The following NBEA variants were observed in gnomAD, a reference collection of about 807,000 sequenced individuals.
The protein encoded by NBEA is lysosomal-trafficking regulator 2.
A neutral mutation model predicts 343.4 loss-of-function variants in NBEA; 44 were observed. That is an observed-to-expected ratio of 0.13 (90% CI 0.10 to 0.16). NBEA has a LOEUF of 0.16. Among genes scored for constraint, NBEA ranks in the 10% least tolerant of loss-of-function variants. The pLI, the probability that NBEA is intolerant of heterozygous loss-of-function variation, is 1.00. For synonymous variants in NBEA, 1,175 were observed against 1,238.7 expected (o/e 0.95, Z 1.08); for missense variants, 2,555 against 3,631.3 (o/e 0.70, Z 7.62).
chr13:35,024,416 A>G (rs1004467177), intron 1 of NBEA, among the ~76,000 whole-genome samples: 1 of 152,108 alleles, frequency 6.6e-6, no homozygotes, highest in African/African-American at 2.4e-5. Context: ...TCATGCCTGT[A>G]ATCTCAGCAC....
chr13:35,000,494 A>G lies in NBEA; in HGVS notation c.295-40439A>G, dbSNP rs559162698. Among the ~76,000 whole-genome samples, 30 of 152,020 alleles carry G rather than the reference A, an allele frequency of 2.0e-4. No individual in the cohort carries two copies. The South Asian group carries it at 3.9e-3, about 20-fold the overall frequency. On this transcript the variant is annotated intron_variant, in intron 1 of 58. Transcript: ENST00000379939. ...CACCTACAATTTACTAAGCATTTATATGTGCCAGATACTTTGTTAACATTT... is the reference window on the plus strand; with the variant it reads ...CACCTACAATTTACTAAGCATTTATGTGTGCCAGATACTTTGTTAACATTT...
intron 6 of NBEA, 68 bp from the exon 7 acceptor site, chr13:35,055,941 GT>G: frequency 7.8e-7 from 1 of 1,278,442 alleles, no homozygotes. Context: ...TTTTATGAAT[GT>G]TACAATTGCA....
intron 41 of NBEA, among the ~76,000 whole-genome samples, chr13:35,517,780 GT>G (rs2077542906): frequency 6.6e-6 from 1 of 152,006 alleles, no homozygotes; most frequent in Non-Finnish European, 1.5e-5. Flanking sequence ...TATTTCTATA[GT>G]TGTCTACTCA....
intron 41 of NBEA, among the ~76,000 whole-genome samples, chr13:35,513,140 C>CTTTTTTT (rs761107026): frequency 1.5e-5 from 2 of 136,416 alleles, no homozygotes; most frequent in Non-Finnish European, 1.6e-5. Flanking sequence ...TTACTTTTTT[C>CTTTTTTT]TTTTTTTTTT....
intron 10 of NBEA, among the ~76,000 whole-genome samples, chr13:35,092,419 A>G (rs2065133131): frequency 1.3e-5 from 2 of 152,006 alleles, no homozygotes; most frequent in Non-Finnish European, 2.9e-5. Flanking sequence ...TAAAGATGCA[A>G]TGAAAAGACA....
intron 34 of NBEA, among the ~76,000 whole-genome samples, chr13:35,250,494 C>G (rs577357563): frequency 2.0e-5 from 3 of 152,108 alleles, no homozygotes; most frequent in Non-Finnish European, 4.4e-5. Flanking sequence ...AATTTCACTC[C>G]CATCCAATAA....
intron 39 of NBEA, among the ~76,000 whole-genome samples, chr13:35,435,957 G>A (rs2045411453): frequency 6.6e-6 from 1 of 151,406 alleles, no homozygotes; most frequent in African/African-American, 2.4e-5. Flanking sequence ...TTGACCCAAG[G>A]AAATGACTTA....
chr13:35,436,702 C>A (rs555435693), intron 39 of NBEA, among the ~76,000 whole-genome samples: 3 of 135,000 alleles, frequency 2.2e-5, no homozygotes, highest in African/African-American at 8.4e-5. Context: ...AGGGAGACTC[C>A]GTCTCAAAAA....
Position 35,665,071 on chromosome 13 carries a change from C to G in NBEA, c.8363-14C>G. The G allele has an allele frequency of 6.4e-7, 1 of 1,553,080 alleles. No homozygotes were observed. On this transcript the variant is annotated splice_polypyrimidine_tract_variant and intron_variant, in intron 55 of 58. Coordinates refer to ENST00000379939, the MANE Select transcript of NBEA (RefSeq NM_001385012.1). ...ATTGGTCTGTAGTGCCTCACTGCTGCTGTTTTCTTGCAGGTGACTATCCGG... is the reference window on the plus strand; with the variant it reads ...ATTGGTCTGTAGTGCCTCACTGCTGGTGTTTTCTTGCAGGTGACTATCCGG...
At chr13:35,155,936 C>G in intron 19 of NBEA, 81 bp downstream of exon 19, 1 of 1,503,566 alleles carries the variant, frequency 6.7e-7, no homozygotes, top group Non-Finnish European at 9.2e-7. Context: ...TTCCTAACCC[C>G]TTAAATCATT....
intron 48 of NBEA, among the ~76,000 whole-genome samples, chr13:35,607,483 C>T (rs889098095): frequency 6.6e-6 from 1 of 152,186 alleles, no homozygotes. Flanking sequence ...GACAATAAAC[C>T]ACTTTACAAA....
chr13:35,655,476 T>C (rs2084772643), intron 54 of NBEA, 103 bp from the exon 55 acceptor site: 3 of 1,234,982 alleles, frequency 2.4e-6, no homozygotes, highest in African/African-American at 3.1e-5. Context: ...TAAAATAAAA[T>C]TAAAAATATG....
intron 34 of NBEA, chr13:35,250,973 G>C (rs1019781526): frequency 6.5e-6 from 1 of 152,794 alleles, no homozygotes; most frequent in African/African-American, 2.4e-5. Flanking sequence ...AATGGTATCA[G>C]TGCTGTAACT....
intron 28 of NBEA, among the ~76,000 whole-genome samples, chr13:35,178,933 T>A (rs73505611): frequency 0.05 from 7,648 of 151,522 alleles, 236 homozygotes; most frequent in South Asian, 0.078. Flanking sequence ...AACATGGAGC[T>A]CATCTTCATC....
At chr13:35,130,673 GA>G (rs918328232) in intron 17 of NBEA, among the ~76,000 whole-genome samples, 4 of 146,884 alleles carry the variant, frequency 2.7e-5, no homozygotes, top group South Asian at 2.1e-4. Context: ...AGTATAATTT[GA>G]AAAAAAAAAT....
chr13:34,977,495 T>C (rs1021748731), intron 1 of NBEA, among the ~76,000 whole-genome samples: 5 of 150,862 alleles, frequency 3.3e-5, no homozygotes, highest in Non-Finnish European at 7.4e-5. Flanking sequence ...TTTTAGTAGA[T>C]ACTGGGTTTC....
chr13:35,475,128 G>T lies in NBEA; in HGVS notation c.6585+2592G>T, dbSNP rs756521374. 1 of 1,614,064 alleles carries T rather than the reference G, an allele frequency of 6.2e-7. No individual in the cohort carries two copies. Among genetic ancestry groups the T allele is most frequent in the Non-Finnish European group, 8.5e-7 (1 of 1,180,012 alleles). ...CCAGTCGCCACGTTTGTTTGGCAGC[G>T]TTTTCCAGAGCTGAGTGAGGTTTGC... On this transcript the variant is annotated intron_variant, in intron 41 of 58. Coordinates refer to ENST00000379939, the MANE Select transcript of NBEA (RefSeq NM_001385012.1).
chr13:35,008,407 A>G (rs1476241628), intron 1 of NBEA, among the ~76,000 whole-genome samples: 2 of 152,196 alleles, frequency 1.3e-5, no homozygotes, highest in Non-Finnish European at 2.9e-5. Context: ...TCTCTAGATT[A>G]CTTATAATGG....
At chr13:35,083,223 G>A (rs932184774) in intron 10 of NBEA, among the ~76,000 whole-genome samples, 1 of 152,168 alleles carries the variant, frequency 6.6e-6, no homozygotes, top group Non-Finnish European at 1.5e-5. Context: ...AGATCAGATA[G>A]TTGTGGATAT....
Sources: allele counts gnomAD v4.1 joint callset (sites outside exome capture counted in the v4.1 genomes callset), GRCh38; gene constraint gnomAD v4.1.1; transcripts MANE v1.5; gene names NCBI Gene and HGNC (gene_info 2026-07-23, HGNC 2026-07-21).